The following GPC5 variants were observed in gnomAD, a reference collection of about 807,000 sequenced individuals.
GPC5 encodes glypican-5.
A neutral mutation model predicts 53.9 loss-of-function variants in GPC5; 47 were observed. The observed-to-expected ratio is 0.87, with a 90% CI of 0.69 to 1.11. The LOEUF (loss-of-function observed/expected upper bound fraction) is 1.11, where lower values mean the gene tolerates loss of function less well. Ranked by LOEUF, GPC5 falls within the 50% of genes most tolerant of loss-of-function variation. The probability of loss-of-function intolerance (pLI) is 0.00; values close to 1 mark genes in which losing one functional copy is unlikely to be tolerated. For synonymous variants in GPC5, 286 were observed against 263.3 expected, an observed-to-expected ratio of 1.09 and a Z score of -0.84; for missense variants, 748 against 713.1, an observed-to-expected ratio of 1.05 and a Z score of -0.56.
chr13:92,778,258 G>C (rs1159462495), intron 7 of GPC5, among the ~76,000 whole-genome samples: 2 of 151,052 alleles, frequency 1.3e-5, no homozygotes, highest in Non-Finnish European at 2.9e-5. Flanking sequence ...AATGCTTCCA[G>C]TTGTTGACTA....
intron 7 of GPC5, among the ~76,000 whole-genome samples, chr13:92,394,933 CTA>C (rs970842980): frequency 6.6e-6 from 1 of 152,090 alleles, no homozygotes; most frequent in Admixed American, 6.6e-5. Flanking sequence ...TTTATAATGA[CTA>C]TGTCGTTTAT....
chr13:92,854,068 T>G (rs1878904284), intron 7 of GPC5, among the ~76,000 whole-genome samples: 1 of 151,958 alleles, frequency 6.6e-6, no homozygotes, highest in Admixed American at 6.6e-5. Flanking sequence ...ATGTTCTTTG[T>G]GTTAAAACCA....
At position 92,704,313 on chromosome 13, in the gene GPC5, G is replaced by A. The variant is rs538256169; in HGVS notation, c.1562-161969G>A. ...ATTATGAAGTGCTGCTTAGACCACT[G>A]TGAATGCTGAAGTTGAATGGCAATA... is the stretch of plus-strand genomic sequence containing the variant. On this transcript the variant is annotated intron_variant, in intron 7 of 7. Transcript: ENST00000377067. 4.6e-5 allele frequency among the ~76,000 whole-genome samples: 7 copies of A among 152,144 alleles called. No homozygotes were observed. The South Asian group carries it at 1.5e-3, about 32-fold the overall frequency.
rs1331702442 is a variant in GPC5, at chr13:91,907,928, C to T, written c.1281-9C>T. The T allele has an allele frequency of 1.7e-5, 27 of 1,594,002 alleles. No individual in the cohort carries two copies. The highest frequency in any genetic ancestry group is 2.1e-5 in the Non-Finnish European group (25 of 1,178,084). ...TACTAAGTCATATCTTTCACATTTC[C>T]CTTGCTAGTTATACTCAGCGTGTGG... On this transcript the variant is annotated splice_polypyrimidine_tract_variant and intron_variant, in intron 5 of 7. Transcript: ENST00000377067.
At chr13:92,282,166 A>G (rs1343997581) in intron 7 of GPC5, among the ~76,000 whole-genome samples, 2 of 152,224 alleles carry the variant, frequency 1.3e-5, no homozygotes, top group African/African-American at 4.8e-5. Context: ...GATCAAATGA[A>G]TGAAATGAAG....
At chr13:92,828,264 T>C (rs1229324506) in intron 7 of GPC5, among the ~76,000 whole-genome samples, 1 of 152,098 alleles carries the variant, frequency 6.6e-6, no homozygotes, top group Non-Finnish European at 1.5e-5. Flanking sequence ...CCCACACACC[T>C]GCATGGTGGT....
chr13:92,694,039 CT>C (rs1187752478), intron 7 of GPC5, among the ~76,000 whole-genome samples: 1 of 152,186 alleles, frequency 6.6e-6, no homozygotes, highest in Admixed American at 6.5e-5. Flanking sequence ...CCAGGTGCAA[CT>C]GGGGCTGTTG....
At chr13:92,560,887 G>A (rs1461385185) in intron 7 of GPC5, among the ~76,000 whole-genome samples, 1 of 151,106 alleles carries the variant, frequency 6.6e-6, no homozygotes. Flanking sequence ...GTGTGTGTGT[G>A]TGTGTGTGTG....
chr13:92,422,889 C>A (rs1321505561), intron 7 of GPC5, among the ~76,000 whole-genome samples: 1 of 152,248 alleles, frequency 6.6e-6, no homozygotes, highest in Non-Finnish European at 1.5e-5. Flanking sequence ...GGGTCACCTA[C>A]TTCTATTTTG....
At chr13:92,329,225 G>T (rs562979244) in intron 7 of GPC5, among the ~76,000 whole-genome samples, 1 of 152,262 alleles carries the variant, frequency 6.6e-6, no homozygotes, top group South Asian at 2.1e-4. Context: ...GGTTCTGCAG[G>T]CTGTACAGGA....
At chr13:91,941,588 C>A (rs961842180) in intron 6 of GPC5, among the ~76,000 whole-genome samples, 1 of 152,018 alleles carries the variant, frequency 6.6e-6, no homozygotes, top group Non-Finnish European at 1.5e-5. Flanking sequence ...TGTCTAGATC[C>A]CTCAAAATCA....
intron 6 of GPC5, among the ~76,000 whole-genome samples, chr13:92,015,340 C>A (rs970615765): frequency 1.3e-5 from 2 of 152,068 alleles, no homozygotes; most frequent in Non-Finnish European, 2.9e-5. Context: ...GGAAATAACC[C>A]TTTTTCTATA....
intron 5 of GPC5, among the ~76,000 whole-genome samples, chr13:91,887,431 C>T (rs903722676): frequency 6.6e-6 from 1 of 152,192 alleles, no homozygotes; most frequent in African/African-American, 2.4e-5. Flanking sequence ...GAGACATTTT[C>T]TCATTGTCCT....
intron 7 of GPC5, among the ~76,000 whole-genome samples, chr13:92,311,943 C>T (rs988826605): frequency 2.0e-5 from 3 of 151,902 alleles, no homozygotes; most frequent in Admixed American, 2.0e-4. Flanking sequence ...GTGTGAAGAC[C>T]CTCGAAAGAG....
At chr13:91,433,599 A>T (rs1396779026) in intron 1 of GPC5, among the ~76,000 whole-genome samples, 1 of 152,138 alleles carries the variant, frequency 6.6e-6, no homozygotes, top group Non-Finnish European at 1.5e-5. Context: ...CCAGTCTATC[A>T]ATGTTGGACA....
chr13:92,438,862 A>G (rs1019104706), intron 7 of GPC5, among the ~76,000 whole-genome samples: 42 of 152,238 alleles, frequency 2.8e-4, no homozygotes, highest in African/African-American at 9.6e-4. Flanking sequence ...ATGATGGGCT[A>G]TTTTCTGAAA....
intron 7 of GPC5, among the ~76,000 whole-genome samples, chr13:92,421,369 G>A (rs1876551144): frequency 6.6e-6 from 1 of 152,086 alleles, no homozygotes; most frequent in African/African-American, 2.4e-5. Flanking sequence ...TTCTCACATT[G>A]TTATAAAGAA....
chr13:92,814,392 G>A (rs1304100038), intron 7 of GPC5, among the ~76,000 whole-genome samples: 5 of 152,002 alleles, frequency 3.3e-5, no homozygotes, highest in African/African-American at 1.2e-4. Flanking sequence ...TGGGCATGGT[G>A]TCTCATGCCT....
intron 6 of GPC5, among the ~76,000 whole-genome samples, chr13:91,949,043 A>C (rs2040002430): frequency 6.6e-6 from 1 of 152,174 alleles, no homozygotes; most frequent in Admixed American, 6.5e-5. Flanking sequence ...GGTAGTCGTT[A>C]CTATCTTCTC....
Sources: gnomAD v4.1 joint callset for allele counts (sites outside exome capture counted in the v4.1 genomes callset) on GRCh38, gnomAD v4.1.1 for gene constraint, MANE v1.5 for transcripts, NCBI Gene and HGNC (gene_info 2026-07-23, HGNC 2026-07-21) for gene names.